Variants in DCC observed in about 807,000 individuals in gnomAD.
The protein encoded by DCC is DCC netrin 1 receptor, also known as netrin receptor DCC.
In DCC, 58 loss-of-function variants were observed where a neutral mutation model predicts 172.5. The observed-to-expected ratio is 0.34, with a 90% CI of 0.27 to 0.42. DCC has a LOEUF of 0.42. Ranked by LOEUF, DCC falls within the 10% of genes least tolerant of loss-of-function variation. The pLI, the probability that DCC is intolerant of heterozygous loss-of-function variation, is 1.00. For missense variants in DCC, 1,740 were observed against 1,791.0 expected (o/e 0.97, Z 0.51); for synonymous variants, 709 against 644.5 (o/e 1.10, Z -1.52).
chr18:52,809,184 G>C (rs1008635041), intron 2 of DCC: 3 of 152,178 alleles, frequency 2.0e-5, no homozygotes, highest in African/African-American at 7.2e-5. Flanking sequence ...TTTGAAGTTT[G>C]GCATTTTAGT....
At chr18:52,938,656 C>T (rs1316962688) in intron 5 of DCC, among the ~76,000 whole-genome samples, 1 of 152,154 alleles carries the variant, frequency 6.6e-6, no homozygotes, top group South Asian at 2.1e-4. Flanking sequence ...ATATTAATCA[C>T]TCACATATAT....
chr18:52,604,174 A>G (rs59194094), intron 1 of DCC, among the ~76,000 whole-genome samples: 10,439 of 151,930 alleles, frequency 0.069, 453 homozygotes, highest in Middle Eastern at 0.11. Flanking sequence ...AAGGACTAAG[A>G]GCCTCAACTT....
intron 1 of DCC, among the ~76,000 whole-genome samples, chr18:52,652,740 G>GTTT (rs1568276051): frequency 6.6e-6 from 1 of 151,338 alleles, no homozygotes; most frequent in African/African-American, 2.4e-5. Flanking sequence ...GTGTGTGTGT[G>GTTT]GGTGGAGGAG....
At chr18:53,272,686 T>C (rs2144710279) in intron 12 of DCC, among the ~76,000 whole-genome samples, 1 of 152,142 alleles carries the variant, frequency 6.6e-6, no homozygotes, top group Middle Eastern at 3.2e-3. Context: ...GTTGTAAGCA[T>C]TGCAATGTAA....
At chr18:53,398,414 A>G (rs571895085) in intron 18 of DCC, among the ~76,000 whole-genome samples, 3 of 151,996 alleles carry the variant, frequency 2.0e-5, no homozygotes, top group African/African-American at 7.2e-5. Flanking sequence ...CTATTTTTCT[A>G]TTTTACCTGT....
Position 52,432,141 on chromosome 18 carries a change from G to A in DCC, c.91+91263G>A, listed in dbSNP as rs529892566. On this transcript the variant is annotated intron_variant, in intron 1 of 28. Coordinates refer to ENST00000442544, the MANE Select transcript of DCC (RefSeq NM_005215.4). ...GAAATCACTGCTGCTCCTTTTTGTC[G>A]CCCCTCATCACTAGCTCCCTGGGTT... 9.9e-5 allele frequency among the ~76,000 whole-genome samples: 15 copies of A among 151,824 alleles called. No individual in the cohort carries two copies. In the South Asian group the frequency reaches 2.1e-3, roughly 21 times the overall value.
chr18:53,484,826 C>A (rs903156329), intron 25 of DCC, among the ~76,000 whole-genome samples: 1 of 151,404 alleles, frequency 6.6e-6, no homozygotes, highest in Non-Finnish European at 1.5e-5. Flanking sequence ...GTGAAGAATG[C>A]CATTAGAATT....
chr18:53,217,155 C>T (rs112718515), intron 12 of DCC, among the ~76,000 whole-genome samples: 2,401 of 151,828 alleles, frequency 0.016, 52 homozygotes, highest in African/African-American at 0.054. Flanking sequence ...TCACTTGAAA[C>T]GTGTATAGGG....
At chr18:52,441,515 A>G (rs373343000) in intron 1 of DCC, among the ~76,000 whole-genome samples, 64 of 152,254 alleles carry the variant, frequency 4.2e-4, no homozygotes, top group African/African-American at 1.5e-3. Context: ...TAAAAAAGGG[A>G]CACAATTATT....
chr18:53,365,446 GA>G (rs34872630), intron 15 of DCC, among the ~76,000 whole-genome samples: 53,106 of 132,424 alleles, frequency 0.4, 9,994 homozygotes, highest in Middle Eastern at 0.5. Context: ...TCATCCCACT[GA>G]AAAAAAAAAA....
chr18:52,726,789 A>T (rs2036557926), intron 1 of DCC, among the ~76,000 whole-genome samples: 1 of 152,188 alleles, frequency 6.6e-6, no homozygotes, highest in African/African-American at 2.4e-5. Flanking sequence ...ACTCATCTGT[A>T]AAATGGAGCT....
At chr18:52,642,116 A>G (rs1464093721) in intron 1 of DCC, among the ~76,000 whole-genome samples, 1 of 149,476 alleles carries the variant, frequency 6.7e-6, no homozygotes, top group Non-Finnish European at 1.5e-5. Context: ...ACATACACAC[A>G]TATACGATGG....
At chr18:53,420,991 T>A (rs1910617383) in intron 21 of DCC, among the ~76,000 whole-genome samples, 1 of 152,180 alleles carries the variant, frequency 6.6e-6, no homozygotes, top group African/African-American at 2.4e-5. Context: ...TTACTATATT[T>A]AAACATTTGA....
chr18:52,674,354 C>A (rs1419526281), intron 1 of DCC, among the ~76,000 whole-genome samples: 1 of 152,090 alleles, frequency 6.6e-6, no homozygotes, highest in Non-Finnish European at 1.5e-5. Context: ...CCAGCTCAAG[C>A]AGGCAGGCAG....
chr18:52,552,184 G>A (rs2032794157), intron 1 of DCC, among the ~76,000 whole-genome samples: 1 of 151,932 alleles, frequency 6.6e-6, no homozygotes, highest in Non-Finnish European at 1.5e-5. Flanking sequence ...TGTGCTGAAG[G>A]TCAAAGGCAG....
intron 7 of DCC, among the ~76,000 whole-genome samples, chr18:53,120,719 T>C (rs2043471469): frequency 6.6e-6 from 1 of 151,832 alleles, no homozygotes. Flanking sequence ...TATACTTGTT[T>C]TAAGTCTACA....
chr18:52,908,178 G>T (rs933104787), intron 3 of DCC, among the ~76,000 whole-genome samples: 2 of 152,158 alleles, frequency 1.3e-5, no homozygotes, highest in African/African-American at 4.8e-5. Context: ...GCAGAGAGTA[G>T]CATTCTTGTA....
intron 5 of DCC, among the ~76,000 whole-genome samples, chr18:53,041,639 TCC>T (rs2042170272): frequency 6.6e-6 from 1 of 152,102 alleles, no homozygotes; most frequent in Non-Finnish European, 1.5e-5. Flanking sequence ...AGTCTTTCTA[TCC>T]ATGAGCATGG....
At chr18:53,351,305 A>ATATATATATATATATATATATATAG (rs1568074487) in intron 15 of DCC, among the ~76,000 whole-genome samples, 1 of 26,676 alleles carries the variant, frequency 3.7e-5, no homozygotes, top group Non-Finnish European at 1.3e-4. Flanking sequence ...ATATATATAT[A>ATATATATATATATATATATATATAG]TATATATATA....
Sources: allele counts gnomAD v4.1 joint callset (sites outside exome capture counted in the v4.1 genomes callset), GRCh38; gene constraint gnomAD v4.1.1; transcripts MANE v1.5; gene names NCBI Gene and HGNC (gene_info 2026-07-23, HGNC 2026-07-21).